The following ZNF124 variants were observed in gnomAD, a reference collection of about 807,000 sequenced individuals.
ZNF124 encodes the protein zinc finger protein HZF-16.
Under a neutral mutation model 26.6 loss-of-function variants are expected in ZNF124, and 25 were observed. The observed-to-expected ratio is 0.94, with a 90% confidence interval of 0.68 to 1.31. The LOEUF (loss-of-function observed/expected upper bound fraction) is 1.31, where lower values mean the gene tolerates loss of function less well. Ranked by LOEUF, ZNF124 falls within the 40% of genes most tolerant of loss-of-function variation. The probability of loss-of-function intolerance (pLI) is 0.00; values close to 1 mark genes in which losing one functional copy is unlikely to be tolerated. For missense variants in ZNF124, 444 were observed against 422.2 expected (o/e 1.05, Z -0.45); for synonymous variants, 129 against 133.3 (o/e 0.97, Z 0.22).
Position 247,159,030 on chromosome 1 carries a change from T to C in ZNF124, c.194A>G (p.Tyr65Cys), listed in dbSNP as rs1158246319. 8 of 1,613,496 alleles carry C rather than the reference T, an allele frequency of 5.0e-6. No individual in the cohort carries two copies. The highest frequency in any genetic ancestry group is 6.8e-6 in the Non-Finnish European group (8 of 1,179,858). The change falls in exon 3 of 4, where the codon TAC (tyrosine) becomes TGC (cysteine). Residue 65 changes from tyrosine (Y) to cysteine (C), a missense_variant. Tyr to Cys is a radical substitution (Grantham distance 194). Coordinates refer to ENST00000543802, the MANE Select transcript of ZNF124 (RefSeq NM_001297568.2). Reference protein sequence around the residue: ...KGEDQSIEDQYKNSSRNLRHI... With the variant: ...KGEDQSIEDQCKNSSRNLRHI... ...CCTTAGATTTCTTGAAGAATTTTTG[T>C]ACTGATCTTCAATGCTCTGGTCTTC...
intron 1 of ZNF124, among the ~76,000 whole-genome samples, chr1:247,170,838 A>C (rs1674076411): frequency 7.5e-6 from 1 of 133,234 alleles, no homozygotes; most frequent in South Asian, 2.8e-4. Context: ...AGATAACACA[A>C]CCGGTCAGGT....
At chr1:247,144,144 A>G (rs1194299396) in intron 3 of ZNF124, among the ~76,000 whole-genome samples, 1 of 152,220 alleles carries the variant, frequency 6.6e-6, no homozygotes, top group Admixed American at 6.5e-5. Flanking sequence ...ACAAAAAGTT[A>G]TTAATGCCCT....
downstream of ZNF124, among the ~76,000 whole-genome samples, chr1:247,151,421 G>A (rs529079954): frequency 6.6e-6 from 1 of 151,540 alleles, no homozygotes; most frequent in African/African-American, 2.4e-5. Flanking sequence ...GGAGCTTGCA[G>A]GGAGCCGAGA....
chr1:247,146,839 A>G (rs1457818001), intron 3 of ZNF124, among the ~76,000 whole-genome samples: 1 of 152,190 alleles, frequency 6.6e-6, no homozygotes, highest in East Asian at 1.9e-4. Flanking sequence ...AGGAGTCCCA[A>G]GCCCGAATCT....
chr1:247,141,212 G>C (rs1672618890), intron 3 of ZNF124, among the ~76,000 whole-genome samples: 5 of 152,066 alleles, frequency 3.3e-5, no homozygotes, highest in Admixed American at 3.3e-4. Context: ...CCTCTCCTTG[G>C]GTCAACTGCA....
At chr1:247,128,772 A>G (rs200880362) in intron 3 of ZNF124, among the ~76,000 whole-genome samples, 35,577 of 142,632 alleles carry the variant, frequency 0.25, 2,034 homozygotes, top group Middle Eastern at 0.31. Flanking sequence ...GTACAAGGAA[A>G]CCCCGCCCCG....
At chr1:247,134,297 G>A (rs1672435695) in intron 3 of ZNF124, among the ~76,000 whole-genome samples, 1 of 152,154 alleles carries the variant, frequency 6.6e-6, no homozygotes, top group Non-Finnish European at 1.5e-5. Flanking sequence ...CCAATTAAAA[G>A]ACTTGGACTG....
rs1476687410 is a variant in ZNF124 at position 247,156,668 on chromosome 1, A to G, written c.954T>C (p.Tyr318=). The G allele has an allele frequency of 6.2e-7, 1 of 1,612,662 alleles. No homozygotes were observed. The highest frequency in any genetic ancestry group is 1.7e-5 in the Admixed American group (1 of 59,586). The change falls in exon 4 of 4, where the codon TAT becomes TAC. Residue 318 remains tyrosine, a synonymous_variant. Coordinates refer to ENST00000543802, the MANE Select transcript of ZNF124 (RefSeq NM_001297568.2). ...HERTHTGEKP[Y]ECQKCGKAFS... The stretch of plus-strand genomic sequence containing the variant: ...AGGCTTTGCCACATTTCTGACATTC[A>G]TAGGGTTTCTCTCCAGTATGAGTCC...
At chr1:247,153,354 A>G (rs1216242119), downstream of ZNF124, among the ~76,000 whole-genome samples, 3 of 152,188 alleles carry the variant, frequency 2.0e-5, no homozygotes, top group African/African-American at 7.2e-5. Flanking sequence ...TGCCATTATC[A>G]GGATGAGAAC....
In ZNF124 at chr1:247,131,124, G is replaced by A. The variant is rs959323766; in HGVS notation, c.219-7253C>T. Among the ~76,000 whole-genome samples, 6 of 152,146 alleles carry A rather than the reference G, an allele frequency of 3.9e-5. No individual in the cohort carries two copies. In the East Asian group the frequency reaches 1.2e-3, roughly 29 times the overall value. On this transcript the variant is annotated intron_variant, in intron 3 of 3. Coordinates refer to the ZNF124 transcript ENST00000472531. Reference sequence around the variant, plus strand: ...ATGTGAATCCTTCACCAGCAACCAGGTTCTCTCATCAAAATTGACTAGAAG... The same window carrying A: ...ATGTGAATCCTTCACCAGCAACCAGATTCTCTCATCAAAATTGACTAGAAG...
intron 3 of ZNF124, among the ~76,000 whole-genome samples, chr1:247,141,628 A>G (rs1187610385): frequency 6.6e-6 from 1 of 152,114 alleles, no homozygotes; most frequent in Non-Finnish European, 1.5e-5. Flanking sequence ...GAGCCTCTCC[A>G]TGGGGAAACT....
At chr1:247,158,663 C>G (rs1673293189) in intron 3 of ZNF124, among the ~76,000 whole-genome samples, 1 of 151,050 alleles carries the variant, frequency 6.6e-6, no homozygotes, top group Non-Finnish European at 1.5e-5. Context: ...GTGTTTTGCT[C>G]TTGTTTCCCT....
intron 3 of ZNF124, among the ~76,000 whole-genome samples, chr1:247,146,185 G>A (rs1672774171): frequency 6.6e-6 from 1 of 152,122 alleles, no homozygotes; most frequent in East Asian, 1.9e-4. Flanking sequence ...GGTAAAGCAG[G>A]GACAGAAATT....
chr1:247,127,463 A>AC, intron 3 of ZNF124, among the ~76,000 whole-genome samples: 1 of 88,224 alleles, frequency 1.1e-5, no homozygotes, highest in South Asian at 3.9e-4. Flanking sequence ...GGAGGAGACC[A>AC]CCCCTCATAT....
chr1:247,124,963 A>G (rs1470916553), intron 3 of ZNF124, among the ~76,000 whole-genome samples: 2 of 151,732 alleles, frequency 1.3e-5, no homozygotes, highest in Non-Finnish European at 2.9e-5. Flanking sequence ...ATGCCCGGCT[A>G]TTTTTTTATT....
At position 247,155,987 on chromosome 1, in the gene ZNF124, CTCAT is replaced by C; in HGVS notation, c.*575_*578del. 1.1e-6 allele frequency: 1 copy of C among 938,660 alleles called. No homozygotes were observed. The highest frequency in any genetic ancestry group is 1.8e-5 in the African/African-American group (1 of 56,052). 58.1% of individuals were successfully genotyped at this position (938,660 alleles called of 1,614,324 possible). On this transcript the variant is annotated 3_prime_UTR_variant, in exon 4 of 4. Transcript: ENST00000543802. ...AATTTATTTATAGCTCCTAAAACAT[CTCAT>C]TCACATAGTGAATTTTCTTGAGAAT...
At position 247,148,804 on chromosome 1, in the gene ZNF124, C is replaced by CA. The variant is rs5782416; in HGVS notation, c.218+10201dup. On this transcript the variant is annotated intron_variant, in intron 3 of 3. Coordinates refer to the ZNF124 transcript ENST00000472531. Reference sequence around the variant, plus strand: ...TGAAACCCCGTCTCTACTAAAAATACAAAAAAAAAAAGAAAATTAGCCAGG... The same window carrying CA: ...TGAAACCCCGTCTCTACTAAAAATACAAAAAAAAAAAAGAAAATTAGCCAGG... 7.0e-3 allele frequency among the ~76,000 whole-genome samples: 1,037 copies of CA among 147,106 alleles called. 26 individuals are homozygous for CA. The highest frequency in any genetic ancestry group is 0.042 in the Admixed American group (624 of 14,776).
In ZNF124 at chr1:247,155,274, C is replaced by T. The variant is rs1056791792; in HGVS notation, c.*1292G>A. Among the ~76,000 whole-genome samples, 2 of 152,024 alleles carry T rather than the reference C, an allele frequency of 1.3e-5. No homozygotes were observed. The highest frequency in any genetic ancestry group is 2.9e-5 in the Non-Finnish European group (2 of 67,998). On this transcript the variant is annotated 3_prime_UTR_variant, in exon 4 of 4. Coordinates refer to ENST00000543802, the MANE Select transcript of ZNF124 (RefSeq NM_001297568.2). ...GAAAATAGACTCATTTATCAATGGC[C>T]AATTAATAACAAAATAATTAAACTA...
chr1:247,169,203 G>A (rs1054676474), intron 1 of ZNF124, among the ~76,000 whole-genome samples: 1 of 152,044 alleles, frequency 6.6e-6, no homozygotes, highest in African/African-American at 2.4e-5. Context: ...GAGGAGCAGC[G>A]CTAACTGGAA....
Sources: gnomAD v4.1 joint callset for allele counts (sites outside exome capture counted in the v4.1 genomes callset) on GRCh38, gnomAD v4.1.1 for gene constraint, MANE v1.5 for transcripts, NCBI Gene and HGNC (gene_info 2026-07-23, HGNC 2026-07-21) for gene names.